The following SORCS1 variants were observed in gnomAD, a reference collection of about 807,000 sequenced individuals.
SORCS1 encodes VPS10 domain-containing receptor SorCS1.
A neutral mutation model predicts 146.1 loss-of-function variants in SORCS1; 60 were observed. The observed-to-expected ratio is 0.41, with a 90% CI of 0.33 to 0.51. The LOEUF (loss-of-function observed/expected upper bound fraction) is 0.51. Ranked by LOEUF, SORCS1 falls within the 20% of genes least tolerant of loss-of-function variation. SORCS1 has a pLI of 0.21. For missense variants in SORCS1, 1,352 were observed against 1,487.6 expected, an observed-to-expected ratio of 0.91 and a Z score of 1.50; for synonymous variants, 637 against 584.0, an observed-to-expected ratio of 1.09 and a Z score of -1.31.
At chr10:106,781,876 AAGGAAGGGG>A (rs1027888167) in intron 3 of SORCS1, among the ~76,000 whole-genome samples, 5 of 152,284 alleles carry the variant, frequency 3.3e-5, no homozygotes, top group Middle Eastern at 3.4e-3. Flanking sequence ...ACAAACAGTG[AAGGAAGGGG>A]AGGAAGGGGA....
At position 106,574,355 on chromosome 10, in the gene SORCS1, C is replaced by T. The variant is rs1844490316; in HGVS notation, c.*3065G>A. 6.6e-6 allele frequency: 1 copy of T among 152,546 alleles called. No homozygotes were observed. The highest frequency in any genetic ancestry group is 2.1e-4 in the South Asian group (1 of 4,820). 9.4% of individuals were successfully genotyped at this position (152,546 alleles called of 1,614,324 possible). On this transcript the variant is annotated 3_prime_UTR_variant, in exon 26 of 26. Transcript: ENST00000263054. ...TTTAGCTTGCCCTGAATCTTACCTT[C>T]CACATACATCCCTCCCTACACACTC... is the stretch of plus-strand genomic sequence containing the variant.
intron 2 of SORCS1, among the ~76,000 whole-genome samples, chr10:106,920,846 G>A (rs1260391820): frequency 1.3e-5 from 2 of 152,054 alleles, no homozygotes; most frequent in Non-Finnish European, 2.9e-5. Context: ...ATAGTGGGTG[G>A]AGTCACCCTT....
intron 4 of SORCS1, among the ~76,000 whole-genome samples, chr10:106,764,929 A>C (rs1859443061): frequency 6.7e-6 from 1 of 148,954 alleles, no homozygotes; most frequent in South Asian, 2.2e-4. Context: ...AGACTGAGGC[A>C]GGAGGATGGT....
chr10:106,618,373 G>T, intron 20 of SORCS1, 101 bp from the exon 21 acceptor site: 1 of 1,450,248 alleles, frequency 6.9e-7, no homozygotes, highest in Non-Finnish European at 9.3e-7. Flanking sequence ...CCCAGCAGAG[G>T]CTCTTCCTGA....
intron 5 of SORCS1, among the ~76,000 whole-genome samples, chr10:106,760,051 T>C (rs549001999): frequency 1.1e-4 from 17 of 152,260 alleles, no homozygotes; most frequent in African/African-American, 4.1e-4. Context: ...CATAACCCAC[T>C]ATGATGTGAT....
chr10:106,932,954 C>T (rs1037374256), intron 2 of SORCS1, among the ~76,000 whole-genome samples: 3 of 152,176 alleles, frequency 2.0e-5, no homozygotes, highest in African/African-American at 7.2e-5. Flanking sequence ...TGATCTCTGT[C>T]AACATTAATT....
In SORCS1 at chr10:106,662,313, AT is replaced by A. The variant is rs1850791557; in HGVS notation, c.2303+5375del. Among the ~76,000 whole-genome samples the A allele has an allele frequency of 5.3e-5, 8 of 152,086 alleles. No homozygotes were observed. In the South Asian group the frequency reaches 1.5e-3, roughly 28 times the overall value. Reference sequence around the variant, plus strand: ...ACCATAGACATTTATAAAGTGAGTTATTTAAGAACTTTTTTTTTTTAAAGGA... The same window carrying A: ...ACCATAGACATTTATAAAGTGAGTTATTAAGAACTTTTTTTTTTTAAAGGA... On this transcript the variant is annotated intron_variant, in intron 17 of 25. Transcript: ENST00000263054.
intron 3 of SORCS1, among the ~76,000 whole-genome samples, chr10:106,822,133 A>G (rs1372466300): frequency 6.6e-6 from 1 of 152,150 alleles, no homozygotes; most frequent in Non-Finnish European, 1.5e-5. Flanking sequence ...AGTGTTAGAT[A>G]GACACAGATA....
intron 5 of SORCS1, among the ~76,000 whole-genome samples, chr10:106,740,029 T>C (rs7903330): frequency 0.78 from 118,967 of 151,768 alleles, 47,477 homozygotes; most frequent in Non-Finnish European, 0.87. Context: ...AATGATATTC[T>C]ATAAGAGAAT....
intron 1 of SORCS1, among the ~76,000 whole-genome samples, chr10:106,995,395 A>C (rs929116430): frequency 2.0e-5 from 3 of 152,002 alleles, no homozygotes; most frequent in African/African-American, 7.2e-5. Flanking sequence ...AAGGTACTAC[A>C]TCTGTCTGGA....
intron 2 of SORCS1, among the ~76,000 whole-genome samples, chr10:106,894,555 A>G (rs1169814617): frequency 2.0e-5 from 3 of 151,960 alleles, no homozygotes; most frequent in African/African-American, 7.3e-5. Context: ...AATGCTGGAG[A>G]CCTCCATGGT....
chr10:106,757,057 T>A (rs775071886), intron 5 of SORCS1, among the ~76,000 whole-genome samples: 23 of 152,184 alleles, frequency 1.5e-4, no homozygotes, highest in Non-Finnish European at 2.4e-4. Context: ...TGGCTTTGTG[T>A]GCAGTAGGGT....
rs756563211 is a variant in SORCS1, at chr10:106,577,327, A to C, written c.*93T>G. 1.2e-6 allele frequency: 2 copies of C among 1,610,108 alleles called. No individual in the cohort carries two copies. The highest frequency in any genetic ancestry group is 1.7e-6 in the Non-Finnish European group (2 of 1,178,556). On this transcript the variant is annotated 3_prime_UTR_variant, in exon 26 of 26. Transcript: ENST00000263054. ...CAGAACAACAAAGGAAAGAAAAAAAACACAAAGTTAGTGGTCATGAAGGAT... is the reference window on the plus strand; with the variant it reads ...CAGAACAACAAAGGAAAGAAAAAAACCACAAAGTTAGTGGTCATGAAGGAT...
intron 18 of SORCS1, among the ~76,000 whole-genome samples, chr10:106,647,893 G>C (rs995019241): frequency 2.0e-5 from 3 of 151,960 alleles, no homozygotes; most frequent in African/African-American, 7.3e-5. Flanking sequence ...TTTGAGACAG[G>C]GTCTCGCTCT....
intron 24 of SORCS1, among the ~76,000 whole-genome samples, chr10:106,588,571 G>T (rs538075583): frequency 6.6e-6 from 1 of 152,216 alleles, no homozygotes; most frequent in South Asian, 2.1e-4. Context: ...TAAAAATGAA[G>T]ATTCCTGGGG....
At chr10:107,064,293 C>T (rs1172070168) in intron 1 of SORCS1, among the ~76,000 whole-genome samples, 1 of 152,130 alleles carries the variant, frequency 6.6e-6, no homozygotes, top group East Asian at 1.9e-4. Context: ...TTATTTGTCC[C>T]GCCCTCATCT....
chr10:106,701,308 T>C (rs534171086), intron 8 of SORCS1, among the ~76,000 whole-genome samples: 19 of 152,258 alleles, frequency 1.2e-4, no homozygotes, highest in African/African-American at 4.3e-4. Context: ...ATCTAAACTT[T>C]TTCCTACTTT....
intron 1 of SORCS1, among the ~76,000 whole-genome samples, chr10:107,017,298 A>G (rs892216342): frequency 3.3e-5 from 5 of 152,252 alleles, no homozygotes; most frequent in South Asian, 2.1e-4. Context: ...TATTTATACA[A>G]TAGAAATTAT....
intron 1 of SORCS1, among the ~76,000 whole-genome samples, chr10:107,076,143 T>C (rs1429734024): frequency 2.6e-5 from 4 of 152,154 alleles, no homozygotes; most frequent in Non-Finnish European, 5.9e-5. Context: ...TTAGTGATAC[T>C]GTGAATACTA....
Sources: allele counts gnomAD v4.1 joint callset (sites outside exome capture counted in the v4.1 genomes callset), GRCh38; gene constraint gnomAD v4.1.1; transcripts MANE v1.5; gene names NCBI Gene and HGNC (gene_info 2026-07-23, HGNC 2026-07-21).